NWD2: variants seen among roughly 807,000 people sequenced by gnomAD.
The protein encoded by NWD2 is NACHT and WD repeat domain-containing protein 2.
Under a neutral mutation model 132.7 loss-of-function variants are expected in NWD2, and 37 were observed. That is an observed-to-expected ratio of 0.28 (90% CI 0.21 to 0.37). The LOEUF (loss-of-function observed/expected upper bound fraction) is 0.37. NWD2 is among the 10% of genes least tolerant of loss of function. NWD2 has a pLI of 1.00. For synonymous variants in NWD2, 705 were observed against 803.0 expected (o/e 0.88, Z 2.06); for missense variants, 1,592 against 2,122.4 (o/e 0.75, Z 4.91).
At chr4:37,318,135 C>A (rs1327884458) in intron 1 of NWD2, among the ~76,000 whole-genome samples, 2 of 150,854 alleles carry the variant, frequency 1.3e-5, no homozygotes, top group Non-Finnish European at 2.9e-5. Flanking sequence ...AAGTGATTCT[C>A]CCGCCTCAGC....
intron 1 of NWD2, among the ~76,000 whole-genome samples, chr4:37,267,180 AAAT>A (rs1187733152): frequency 2.0e-5 from 3 of 152,080 alleles, no homozygotes; most frequent in African/African-American, 4.8e-5. Flanking sequence ...GTACGGCTAG[AAAT>A]AATAAATATT....
At position 37,438,952 on chromosome 4, in the gene NWD2, G is replaced by A. The variant is rs1003808643; in HGVS notation, c.858G>A (p.Pro286=). 9.7e-6 allele frequency: 15 copies of A among 1,552,042 alleles called. No individual in the cohort carries two copies. The highest frequency in any genetic ancestry group is 4.9e-5 in the East Asian group (2 of 40,906). ...GKYMDITGTE[P]RIIRDPEAQE... ...ACATGGATATAACTGGAACAGAACC[G>A]AGGATTATTCGGGACCCAGAAGCCC... is the stretch of plus-strand genomic sequence containing the variant. The change falls in exon 6 of 7, where the codon CCG becomes CCA. Residue 286 remains proline, a synonymous_variant. Transcript: ENST00000309447.
Position 37,439,297 on chromosome 4 carries a change from T to C in NWD2, c.1203T>C (p.Ile401=). The change falls in exon 6 of 7, where the codon ATT becomes ATC. Residue 401 remains isoleucine (I), a synonymous_variant. Transcript: ENST00000309447. The surrounding 1 kb of genome is among the most constrained non-coding windows in gnomAD (Gnocchi z 4.5). ...CESLNIVHNY[I]LPSKAGHINP... ...CTCTAAACATAGTGCATAACTACAT[T>C]CTTCCAAGCAAAGCTGGACACATCA... 6.4e-7 allele frequency: 1 copy of C among 1,550,974 alleles called. No individual in the cohort carries two copies. The highest frequency in any genetic ancestry group is 1.2e-5 in the South Asian group (1 of 83,918).
intron 3 of NWD2, among the ~76,000 whole-genome samples, chr4:37,416,083 A>G (rs1322245473): frequency 6.6e-6 from 1 of 152,212 alleles, no homozygotes; most frequent in Non-Finnish European, 1.5e-5. Context: ...GCAGCATTGA[A>G]AGAAACCTCA....
chr4:37,321,733 A>G (rs1443499033), intron 1 of NWD2, among the ~76,000 whole-genome samples: 1 of 152,192 alleles, frequency 6.6e-6, no homozygotes, highest in African/African-American at 2.4e-5. Flanking sequence ...GTCACTCATC[A>G]TAATTAATCC....
At chr4:37,394,940 G>C (rs1052868128) in intron 3 of NWD2, among the ~76,000 whole-genome samples, 1 of 150,434 alleles carries the variant, frequency 6.6e-6, no homozygotes, top group Non-Finnish European at 1.5e-5. Context: ...AGCCTCCCGA[G>C]TAGCTGGGAT....
At chr4:37,434,124 T>C (rs1372477308) in intron 5 of NWD2, 104 bp downstream of exon 5, 1 of 663,858 alleles carries the variant, frequency 1.5e-6, no homozygotes, top group Admixed American at 3.6e-5. Flanking sequence ...TACTGCCTGG[T>C]GAAATTTAAT....
At chr4:37,335,614 C>T (rs540726414) in intron 2 of NWD2, among the ~76,000 whole-genome samples, 8 of 152,002 alleles carry the variant, frequency 5.3e-5, no homozygotes, top group Admixed American at 2.6e-4. Context: ...GCAGCATTAC[C>T]GCCTGAGCTC....
intron 3 of NWD2, among the ~76,000 whole-genome samples, chr4:37,389,476 CTCTT>C (rs1237081397): frequency 6.6e-6 from 1 of 152,210 alleles, no homozygotes; most frequent in Non-Finnish European, 1.5e-5. Context: ...CTGCCTCTGC[CTCTT>C]TGTCACTTTT....
intron 1 of NWD2, among the ~76,000 whole-genome samples, chr4:37,311,111 T>C (rs1041957343): frequency 1.3e-5 from 2 of 152,134 alleles, no homozygotes; most frequent in African/African-American, 4.8e-5. Flanking sequence ...CATGTGTCTT[T>C]ATAGCAGCGT....
chr4:37,444,915 C>T lies in NWD2; in HGVS notation c.2927C>T (p.Thr976Ile). 6.4e-7 allele frequency: 1 copy of T among 1,552,332 alleles called. No individual in the cohort carries two copies. The highest frequency in any genetic ancestry group is 8.7e-7 in the Non-Finnish European group (1 of 1,147,140). Residue 976 changes from threonine to isoleucine, a missense_variant, in exon 7 of 7, where the codon ACC becomes ATC. By Grantham distance (89) the Thr-to-Ile change is moderately conservative. Around this residue, in one of 7 missense-constraint regions of NWD2, gnomAD observed 1,071 missense variants for 1,398.0 expected, o/e 0.77. Coordinates refer to ENST00000309447, the MANE Select transcript of NWD2 (RefSeq NM_001144990.2). The surrounding 1 kb of genome is among the most constrained non-coding windows in gnomAD (Gnocchi z 4.8). The stretch of plus-strand genomic sequence containing the variant: ...CTGCATGTCACAGAGATCCTGCCTA[C>T]CTGTAACCCCAGCACTGTCCTCACA... ...SHLHVTEILP[T>I]CNPSTVLTAL...
Position 37,326,031 on chromosome 4 carries a change from C to G in NWD2, c.240+7C>G, listed in dbSNP as rs1213294980. The G allele has an allele frequency of 1.3e-6, 2 of 1,482,322 alleles. No individual in the cohort carries two copies. The highest frequency in any genetic ancestry group is 4.9e-5 in the East Asian group (2 of 40,410). 91.8% of individuals were successfully genotyped at this position (1,482,322 alleles called of 1,614,324 possible). ...CTATGGATTGGAATTTCAGGTAATTCTAGTGTTAATTTCATTCACAGTTAT... is the reference window on the plus strand; with the variant it reads ...CTATGGATTGGAATTTCAGGTAATTGTAGTGTTAATTTCATTCACAGTTAT... On this transcript the variant is annotated splice_region_variant and intron_variant, in intron 2 of 6. Transcript: ENST00000309447.
At chr4:37,431,069 CTG>C in intron 4 of NWD2, among the ~76,000 whole-genome samples, 1 of 152,130 alleles carries the variant, frequency 6.6e-6, no homozygotes, top group Non-Finnish European at 1.5e-5. Context: ...GTTGGTGGGA[CTG>C]TACATTCGGG....
At chr4:37,317,377 C>T (rs1163244025) in intron 1 of NWD2, among the ~76,000 whole-genome samples, 5 of 152,190 alleles carry the variant, frequency 3.3e-5, no homozygotes, top group East Asian at 1.9e-4. Context: ...TGTTACATTT[C>T]GATGAAGCCA....
At chr4:37,352,291 CGCTAT>C (rs1719784800) in intron 2 of NWD2, among the ~76,000 whole-genome samples, 1 of 151,448 alleles carries the variant, frequency 6.6e-6, no homozygotes, top group Non-Finnish European at 1.5e-5. Context: ...TAAAGACTCC[CGCTAT>C]TATTATATGG....
chr4:37,446,916 A>G lies in NWD2; in HGVS notation c.4928A>G (p.Tyr1643Cys). Reference protein sequence around the residue: ...VGFDDGSIGIYTVVDRVDAAL... With the variant: ...VGFDDGSIGICTVVDRVDAAL... Reference sequence around the variant, plus strand: ...TTTGATGATGGGAGTATAGGGATCTACACGGTAGTAGACCGTGTAGATGCT... The same window carrying G: ...TTTGATGATGGGAGTATAGGGATCTGCACGGTAGTAGACCGTGTAGATGCT... The change falls in exon 7 of 7, where the codon TAC (tyrosine) becomes TGC (cysteine). Residue 1643 changes from tyrosine (Y) to cysteine (C), a missense_variant. This residue lies in a region of NWD2 where 257 missense variants were observed against 335.0 expected (regional missense o/e 0.77). Coordinates refer to ENST00000309447, the MANE Select transcript of NWD2 (RefSeq NM_001144990.2). This position sits in a 1 kb window ranked among gnomAD's most constrained non-coding sequence, Gnocchi z 6.7. 1 of 1,551,738 alleles carries G rather than the reference A, an allele frequency of 6.4e-7. No homozygotes were observed. The highest frequency in any genetic ancestry group is 8.7e-7 in the Non-Finnish European group (1 of 1,147,000).
intron 1 of NWD2, among the ~76,000 whole-genome samples, chr4:37,287,154 T>G (rs1168264661): frequency 6.6e-6 from 1 of 152,130 alleles, no homozygotes; most frequent in Non-Finnish European, 1.5e-5. Context: ...CATGGAACTG[T>G]GCAACACGGA....
intron 1 of NWD2, among the ~76,000 whole-genome samples, chr4:37,256,533 T>A (rs1365195909): frequency 6.6e-6 from 1 of 152,160 alleles, no homozygotes. Context: ...TCTAGAAGAC[T>A]CTAATTAAAA....
Position 37,298,682 on chromosome 4 carries a change from A to G in NWD2, c.152-27254A>G, listed in dbSNP as rs556575623. On this transcript the variant is annotated intron_variant, in intron 1 of 6. Transcript: ENST00000309447. ...AACAGAAAATCATTATTTGACAACC[A>G]TAATAATTTATTCAGACAAGGATCA... Among the ~76,000 whole-genome samples the G allele has an allele frequency of 4.6e-5, 7 of 152,274 alleles. No individual in the cohort carries two copies. In the South Asian group the frequency reaches 1.5e-3, roughly 32 times the overall value.
Sources: gnomAD v4.1 joint callset for allele counts (sites outside exome capture counted in the v4.1 genomes callset) on GRCh38, gnomAD v4.1.1 for gene constraint, gnomAD v4.1.1 regional missense constraint, Gnocchi (gnomAD v3.1) non-coding constraint, MANE v1.5 for transcripts, NCBI Gene and HGNC (gene_info 2026-07-23, HGNC 2026-07-21) for gene names.